Variants in HSPA9 observed in about 807,000 individuals in gnomAD.
HSPA9 encodes heat shock protein family A (Hsp70) member 9, also known as stress-70 protein, mitochondrial.
HSPA9 carries 28 observed loss-of-function variants against 81.5 expected under a neutral mutation model. The ratio of observed to expected loss-of-function variants is 0.34; its 90% CI spans 0.25 to 0.47. The LOEUF is 0.47. HSPA9 is among the 20% of genes least tolerant of loss of function. The pLI is 1.00. For synonymous variants in HSPA9, 293 were observed against 290.4 expected (o/e 1.01, Z -0.09); for missense variants, 678 against 838.0 (o/e 0.81, Z 2.36).
Position 138,554,489 on chromosome 5 carries a change from G to A in HSPA9, c.*1548C>T, listed in dbSNP as rs41296463. On this transcript the variant is annotated 3_prime_UTR_variant, in exon 17 of 17. Transcript: ENST00000297185. ...GAAACCTGAGCCTAGAATTTTTCAC[G>A]AATCCCAAGAATCTTTTACATGGGT... 1.3e-5 allele frequency among the ~76,000 whole-genome samples: 2 copies of A among 152,134 alleles called. No homozygotes were observed. Among genetic ancestry groups the A allele is most frequent in the Non-Finnish European group, 2.9e-5 (2 of 68,036 alleles).
intron 14 of HSPA9, 168 bp from the exon 15 acceptor site, chr5:138,557,034 T>C: frequency 3.0e-6 from 2 of 661,758 alleles, no homozygotes; most frequent in East Asian, 2.7e-5. Flanking sequence ...TGAGAGAGAT[T>C]TGGGCTAGAT....
In HSPA9 at chr5:138,560,908, A is replaced by ATTT. The variant is rs10652442; in HGVS notation, c.1182+669_1182+671dup. ...TCCAGGACCTTTTTTTTCCAGGTTCATTTTTTTTTTTTTTGCATATTTCCT... is the reference window on the plus strand; with the variant it reads ...TCCAGGACCTTTTTTTTCCAGGTTCATTTTTTTTTTTTTTTTTGCATATTTCCT... On this transcript the variant is annotated intron_variant, in intron 10 of 16. Transcript: ENST00000297185. 1.6e-3 allele frequency: 541 copies of ATTT among 336,214 alleles called. 2 individuals carry two copies. Among genetic ancestry groups the ATTT allele is most frequent in the South Asian group, 3.5e-3 (155 of 44,112 alleles). 20.8% of individuals were successfully genotyped at this position (336,214 alleles called of 1,614,324 possible).
intron 3 of HSPA9, 22 bp from the exon 4 acceptor site, chr5:138,571,163 G>C (rs369394303): frequency 1.2e-6 from 2 of 1,611,544 alleles, no homozygotes. Flanking sequence ...AAATGTGATA[G>C]AGAGTAAGTT....
At chr5:138,570,494 A>T (rs1293255476) in intron 4 of HSPA9, among the ~76,000 whole-genome samples, 2 of 151,976 alleles carry the variant, frequency 1.3e-5, no homozygotes, top group Non-Finnish European at 2.9e-5. Flanking sequence ...ACAAAAATGA[A>T]TTTTTTTCTT....
intron 3 of HSPA9, among the ~76,000 whole-genome samples, chr5:138,571,644 ACTAT>A (rs1365716926): frequency 6.6e-6 from 1 of 150,544 alleles, no homozygotes; most frequent in African/African-American, 2.4e-5. Context: ...CTTTCAAACT[ACTAT>A]TTTTTTTTTT....
chr5:138,572,547 A>C (rs908410505), intron 3 of HSPA9, among the ~76,000 whole-genome samples: 2 of 152,108 alleles, frequency 1.3e-5, no homozygotes, highest in African/African-American at 4.8e-5. Flanking sequence ...AAGCCTCCTT[A>C]CTCTGTACAT....
chr5:138,574,688 G>C (rs530647826), intron 1 of HSPA9: 3 of 162,598 alleles, frequency 1.8e-5, no homozygotes, highest in African/African-American at 7.2e-5. Flanking sequence ...TTTTATTTTA[G>C]AAAACAAGTA....
chr5:138,569,255 G>T (rs1561860842), intron 4 of HSPA9, among the ~76,000 whole-genome samples: 1 of 152,100 alleles, frequency 6.6e-6, no homozygotes. Flanking sequence ...TAAAAAGAAA[G>T]CAATCACTAA....
rs1001118593 is a variant in HSPA9, at chr5:138,572,159, G to C, written c.229-1018C>G. 2.0e-5 allele frequency among the ~76,000 whole-genome samples: 3 copies of C among 151,974 alleles called. No individual in the cohort carries two copies. The East Asian group carries it at 5.8e-4, about 29-fold the overall frequency. On this transcript the variant is annotated intron_variant, in intron 3 of 16. Transcript: ENST00000297185. The stretch of plus-strand genomic sequence containing the variant: ...AGACAGTGTTTTGCTATGTTGCCTA[G>C]GGTGATCTTCAACTCCCACACTCAA...
Position 138,556,084 on chromosome 5 carries a change from A to C in HSPA9, c.1993T>G (p.Ser665Ala). 3 of 1,613,762 alleles carry C rather than the reference A, an allele frequency of 1.9e-6. No individual in the cohort carries two copies. The highest frequency in any genetic ancestry group is 2.5e-6 in the Non-Finnish European group (3 of 1,179,786). Residue 665 changes from serine to alanine, a missense_variant, in exon 17 of 17, where the codon TCT becomes GCT. Physicochemically the swap from Ser to Ala is moderately conservative, Grantham distance 99 (BLOSUM62 1). Coordinates refer to ENST00000297185, the MANE Select transcript of HSPA9 (RefSeq NM_004134.7). Reference protein sequence around the residue: ...MASEREGSGSSGTGEQKEDQK... With the variant: ...MASEREGSGSAGTGEQKEDQK... ...TCTTCCTTTTGTTCCCCAGTGCCAG[A>C]ACTTCCAGAGCCTTCTCGCTCAGAT...
Position 138,555,391 on chromosome 5 carries a change from A to T in HSPA9, c.*646T>A, listed in dbSNP as rs1054226573. On this transcript the variant is annotated 3_prime_UTR_variant, in exon 17 of 17. Coordinates refer to ENST00000297185, the MANE Select transcript of HSPA9 (RefSeq NM_004134.7). Reference sequence around the variant, plus strand: ...AAAAAATTCCAGAATGGGTAAGAGAACAATCATCAAGGATGTAGGTGCCAG... The same window carrying T: ...AAAAAATTCCAGAATGGGTAAGAGATCAATCATCAAGGATGTAGGTGCCAG... 1 of 152,384 alleles carries T rather than the reference A, an allele frequency of 6.6e-6. No individual in the cohort carries two copies. The highest frequency in any genetic ancestry group is 1.5e-5 in the Non-Finnish European group (1 of 68,168). 9.4% of individuals were successfully genotyped at this position (152,384 alleles called of 1,614,324 possible).
intron 10 of HSPA9, among the ~76,000 whole-genome samples, chr5:138,560,522 T>C (rs998866471): frequency 2.0e-5 from 3 of 152,086 alleles, no homozygotes; most frequent in Non-Finnish European, 4.4e-5. Context: ...TTATTAGTGA[T>C]AAAGTTCCAT....
chr5:138,574,683 T>C lies in HSPA9; in HGVS notation c.81+555A>G, dbSNP rs75013748. 2.2e-3 allele frequency: 352 copies of C among 163,152 alleles called. 2 individuals carry two copies. Among genetic ancestry groups the C allele is most frequent in the African/African-American group, 8.2e-3 (343 of 41,708 alleles). 10.1% of individuals were successfully genotyped at this position (163,152 alleles called of 1,614,324 possible). ...TGTTCTCTAAAGCATTTGTCTTTTA[T>C]TTTAGAAAACAAGTAACCACTCCAT... On this transcript the variant is annotated intron_variant, in intron 1 of 16. Coordinates refer to ENST00000297185, the MANE Select transcript of HSPA9 (RefSeq NM_004134.7).
chr5:138,573,790 C>A lies in HSPA9; in HGVS notation c.201G>T (p.Val67=). Residue 67 remains valine (V), a synonymous_variant, in exon 3 of 17, where the codon GTG becomes GTT. Coordinates refer to ENST00000297185, the MANE Select transcript of HSPA9 (RefSeq NM_004134.7). ...GIDLGTTNSC[V]AVMEGKQAKV... ...TTGCTTGTTTACCTTCCATAACTGC[C>A]ACGCAGGAGTTGGTAGTACCCAAAT... 1 of 1,612,802 alleles carries A rather than the reference C, an allele frequency of 6.2e-7. No homozygotes were observed. The highest frequency in any genetic ancestry group is 1.1e-5 in the South Asian group (1 of 91,050).
chr5:138,562,990 AGTGT>A (rs1490769504), intron 9 of HSPA9, among the ~76,000 whole-genome samples: 1 of 152,260 alleles, frequency 6.6e-6, no homozygotes, highest in Admixed American at 6.5e-5. Context: ...GGGATCTTAC[AGTGT>A]GTAACTGAGA....
At chr5:138,563,892 A>G (rs1471286194) in intron 9 of HSPA9, among the ~76,000 whole-genome samples, 2 of 152,134 alleles carry the variant, frequency 1.3e-5, no homozygotes, top group African/African-American at 4.8e-5. Context: ...CTCTAGCCTC[A>G]TTTTCCATGC....
chr5:138,561,337 AG>A (rs1224431205), intron 10 of HSPA9, among the ~76,000 whole-genome samples: 1 of 152,148 alleles, frequency 6.6e-6, no homozygotes, highest in East Asian at 1.9e-4. Flanking sequence ...TATATAAATT[AG>A]ACTCATGTGA....
At chr5:138,556,654 G>A in intron 15 of HSPA9, 62 bp from the exon 16 acceptor site, 2 of 1,582,494 alleles carry the variant, frequency 1.3e-6, no homozygotes, top group South Asian at 2.2e-5. Context: ...ACAAGTAGAA[G>A]TACTATTTAG....
intron 9 of HSPA9, among the ~76,000 whole-genome samples, chr5:138,565,559 A>ATGGTGTTATATAAT (rs1401123221): frequency 2.6e-5 from 4 of 152,206 alleles, no homozygotes; most frequent in Non-Finnish European, 4.4e-5. Context: ...TCTAACACAG[A>ATGGTGTTATATAAT]TCTAAAATGG....
Sources: allele counts gnomAD v4.1 joint callset (sites outside exome capture counted in the v4.1 genomes callset), GRCh38; gene constraint gnomAD v4.1.1; transcripts MANE v1.5; gene names NCBI Gene and HGNC (gene_info 2026-07-23, HGNC 2026-07-21).